The following NUP153 variants were observed in gnomAD, a reference collection of about 807,000 sequenced individuals.
The protein encoded by NUP153 is nucleoporin 153.
A neutral mutation model predicts 134.6 loss-of-function variants in NUP153; 27 were observed. That is an observed-to-expected ratio of 0.20 (90% confidence interval 0.15 to 0.28). The LOEUF (loss-of-function observed/expected upper bound fraction) is 0.28, where lower values mean the gene tolerates loss of function less well. NUP153 is among the 10% of genes least tolerant of loss of function. The probability of loss-of-function intolerance (pLI) is 1.00; values close to 1 mark genes in which losing one functional copy is unlikely to be tolerated. For synonymous variants in NUP153, 640 were observed against 623.5 expected (o/e 1.03, Z -0.40); for missense variants, 1,821 against 1,731.3 (o/e 1.05, Z -0.92).
chr6:17,663,296 C>G (rs1767320428), intron 9 of NUP153, among the ~76,000 whole-genome samples: 1 of 151,652 alleles, frequency 6.6e-6, no homozygotes, highest in South Asian at 2.1e-4. Context: ...GGGTCTTACT[C>G]TCTCACCCAA....
rs1221839138 is a variant in NUP153, at chr6:17,706,018, A to G, written c.111+259T>C. 6.6e-6 allele frequency among the ~76,000 whole-genome samples: 1 copy of G among 152,184 alleles called. No individual in the cohort carries two copies. Among genetic ancestry groups the G allele is most frequent in the Non-Finnish European group, 1.5e-5 (1 of 68,016 alleles). On this transcript the variant is annotated intron_variant, in intron 1 of 21. Coordinates refer to ENST00000262077, the MANE Select transcript of NUP153 (RefSeq NM_005124.4). The surrounding 1 kb of genome is among the most constrained non-coding windows in gnomAD (Gnocchi z 5.9). The stretch of plus-strand genomic sequence containing the variant: ...GCCTACAATTTCTTTTCCCGCCCAG[A>G]GCCTGCCTGGGAAAGCCCCTGACCC...
intron 13 of NUP153, 126 bp downstream of exon 13, chr6:17,647,680 CA>C: frequency 1.6e-6 from 1 of 643,198 alleles, no homozygotes; most frequent in Non-Finnish European, 2.7e-6. Context: ...GTTTTTTACA[CA>C]GAGTATTTTT....
intron 1 of NUP153, among the ~76,000 whole-genome samples, chr6:17,702,821 A>G (rs1475769779): frequency 6.6e-6 from 1 of 151,496 alleles, no homozygotes; most frequent in Non-Finnish European, 1.5e-5. Flanking sequence ...ACAATTCTTA[A>G]GAGTTATTAC....
At chr6:17,699,759 T>C (rs1769927991) in intron 1 of NUP153, among the ~76,000 whole-genome samples, 1 of 151,840 alleles carries the variant, frequency 6.6e-6, no homozygotes, top group South Asian at 2.1e-4. Context: ...CCCTTGAGCC[T>C]GGGAGGCAGA....
At position 17,669,336 on chromosome 6, in the gene NUP153, T is replaced by G; in HGVS notation, c.971A>C (p.Asp324Ala). The G allele has an allele frequency of 6.2e-7, 1 of 1,610,036 alleles. No individual in the cohort carries two copies. Among genetic ancestry groups the G allele is most frequent in the Non-Finnish European group, 8.5e-7 (1 of 1,176,414 alleles). Reference protein sequence around the residue: ...SLEKMSSPLADAKRIPSIVSS... With the variant: ...SLEKMSSPLAAAKRIPSIVSS... ...AACAATGGATGGAATTCTTTTTGCA[T>G]CCTGTTAAAGTTGAAAAAATAACAA... is the stretch of plus-strand genomic sequence containing the variant. Residue 324 changes from aspartate to alanine, a missense_variant and splice_region_variant, in exon 7 of 22, where the codon GAT becomes GCT. Coordinates refer to ENST00000262077, the MANE Select transcript of NUP153 (RefSeq NM_005124.4).
In NUP153 at chr6:17,624,702, A is replaced by G; in HGVS notation, c.4033T>C (p.Ser1345Pro). The change falls in exon 20 of 22, where the codon TCA becomes CCA. Residue 1345 changes from serine to proline, a missense_variant. Ser to Pro is a moderately conservative substitution (Grantham distance 74). Coordinates refer to ENST00000262077, the MANE Select transcript of NUP153 (RefSeq NM_005124.4). ...QPNPPGFGSI[S>P]SSTALFPTGS... Reference sequence around the variant, plus strand: ...GTGGGAAATAATGCTGTGGAAGATGATATAGATCCAAAGCCTGGGGGATTG... The same window carrying G: ...GTGGGAAATAATGCTGTGGAAGATGGTATAGATCCAAAGCCTGGGGGATTG... The G allele has an allele frequency of 6.2e-7, 1 of 1,614,176 alleles. No individual in the cohort carries two copies.
chr6:17,678,837 C>A (rs1231505437), intron 2 of NUP153, among the ~76,000 whole-genome samples: 1 of 151,234 alleles, frequency 6.6e-6, no homozygotes, highest in Non-Finnish European at 1.5e-5. Context: ...CCCAGCTACT[C>A]AAGGAGGCTG....
intron 14 of NUP153, among the ~76,000 whole-genome samples, chr6:17,644,305 C>T (rs2113793341): frequency 6.6e-6 from 1 of 152,208 alleles, no homozygotes; most frequent in Middle Eastern, 3.4e-3. Context: ...TCTAACATGC[C>T]ACTCCAACCC....
rs1764928613 is a variant in NUP153 at position 17,626,006 on chromosome 6, C to G, written c.3703G>C (p.Val1235Leu). The change falls in exon 19 of 22, where the codon GTG (valine) becomes CTG (leucine). Residue 1235 changes from valine (V) to leucine (L), a missense_variant. Physicochemically the swap from Val to Leu is conservative, Grantham distance 32 (BLOSUM62 1). Transcript: ENST00000262077. The stretch of plus-strand genomic sequence containing the variant: ...GTGTTACCAAAGGCAGAGCTGCTCA[C>G]AGGATTGCTGGACTGTCCAAACACA... Reference protein sequence around the residue: ...TFVFGQSSNPVSSSAFGNTAE... With the variant: ...TFVFGQSSNPLSSSAFGNTAE... 1 of 1,614,052 alleles carries G rather than the reference C, an allele frequency of 6.2e-7. No homozygotes were observed. Among genetic ancestry groups the G allele is most frequent in the African/African-American group, 1.3e-5 (1 of 74,910 alleles).
rs761618943 is a variant in NUP153, at chr6:17,628,904, C to A, written c.3295G>T (p.Val1099Phe). The change falls in exon 18 of 22, where the codon GTT (valine) becomes TTT (phenylalanine). Residue 1099 changes from valine to phenylalanine, a missense_variant. Coordinates refer to ENST00000262077, the MANE Select transcript of NUP153 (RefSeq NM_005124.4). This position sits in a 1 kb window ranked among gnomAD's most constrained non-coding sequence, Gnocchi z 5.4. ...TGTTTCTCTTCTGTCCTTCCCAAAA[C>A]AAACACTGAGGCAGATGGCAGAGAG... ...PASLPSASVF[V>F]LGRTEEKQQE... 9 of 1,614,196 alleles carry A rather than the reference C, an allele frequency of 5.6e-6. No homozygotes were observed. In the South Asian group the frequency reaches 9.9e-5, roughly 18 times the overall value.
In NUP153 at chr6:17,637,657, C is replaced by T; in HGVS notation, c.1960G>A (p.Glu654Lys). 6.2e-7 allele frequency: 1 copy of T among 1,613,746 alleles called. No individual in the cohort carries two copies. The highest frequency in any genetic ancestry group is 8.5e-7 in the Non-Finnish European group (1 of 1,180,024). ...CATGATGACCCAGCTTTTAAACTCT[C>T]CCCAAACCCAATTCCACTAGAAGAA... The part of the protein sequence containing the change: ...SFSSSGIGFG[E>K]SLKAGSSWQC... Residue 654 changes from glutamate to lysine, a missense_variant, in exon 16 of 22, where the codon GAG becomes AAG. Glu to Lys is a moderately conservative substitution (Grantham distance 56, BLOSUM62 1). Coordinates refer to ENST00000262077, the MANE Select transcript of NUP153 (RefSeq NM_005124.4).
At chr6:17,662,504 C>T (rs971402453) in intron 9 of NUP153, among the ~76,000 whole-genome samples, 2 of 152,128 alleles carry the variant, frequency 1.3e-5, no homozygotes, top group African/African-American at 2.4e-5. Context: ...GCAGGAAATG[C>T]ATGTGATGAG....
At chr6:17,619,398 G>A (rs990286013) in intron 20 of NUP153, 2 of 152,108 alleles carry the variant, frequency 1.3e-5, no homozygotes, top group African/African-American at 4.8e-5. Flanking sequence ...CCAGGAAACG[G>A]GTTCCTCTAC....
At chr6:17,700,120 G>C (rs765636879) in intron 1 of NUP153, among the ~76,000 whole-genome samples, 8 of 152,034 alleles carry the variant, frequency 5.3e-5, no homozygotes, top group Non-Finnish European at 1.2e-4. Flanking sequence ...GGAAAATTCA[G>C]AGACAATATG....
In NUP153 at chr6:17,628,714, T is replaced by A; in HGVS notation, c.3485A>T (p.Glu1162Val). ...AGTGGCTTTTGCTGGCTGTTCAGAT[T>A]CCTTCTCAGATGGTTTTGTCATACT... The part of the protein sequence containing the change: ...SFSMTKPSEK[E>V]SEQPAKATFA... The change falls in exon 18 of 22, where the codon GAA becomes GTA. Residue 1162 changes from glutamate (E) to valine (V), a missense_variant. By Grantham distance (121) the Glu-to-Val change is moderately radical (BLOSUM62 -2). Coordinates refer to ENST00000262077, the MANE Select transcript of NUP153 (RefSeq NM_005124.4). The surrounding 1 kb of genome is among the most constrained non-coding windows in gnomAD (Gnocchi z 5.4). The A allele has an allele frequency of 1.2e-6, 2 of 1,613,796 alleles. No individual in the cohort carries two copies. The highest frequency in any genetic ancestry group is 1.7e-6 in the Non-Finnish European group (2 of 1,179,868).
chr6:17,634,067 ATC>A (rs1765396994), intron 16 of NUP153, among the ~76,000 whole-genome samples: 1 of 151,872 alleles, frequency 6.6e-6, no homozygotes, highest in Non-Finnish European at 1.5e-5. Context: ...ATCTATTTCA[ATC>A]AATTTCTGAC....
chr6:17,629,292 G>C lies in NUP153; in HGVS notation c.2907C>G (p.Pro969=), dbSNP rs750695345. ...TCTTACTATCTTTTTTAACTTCTTC[G>C]GGCTTAGATTCAGATGAAACTCCAA... The part of the protein sequence containing the change: ...FKFGVSSESK[P]EEVKKDSKND... The change falls in exon 18 of 22, where the codon CCC becomes CCG. Residue 969 remains proline, a synonymous_variant. Coordinates refer to ENST00000262077, the MANE Select transcript of NUP153 (RefSeq NM_005124.4). The C allele has an allele frequency of 1.2e-6, 2 of 1,608,842 alleles. No homozygotes were observed. Among genetic ancestry groups the C allele is most frequent in the Admixed American group, 1.7e-5 (1 of 58,730 alleles).
At chr6:17,618,442 G>T (rs1764448754) in intron 20 of NUP153, among the ~76,000 whole-genome samples, 2 of 151,834 alleles carry the variant, frequency 1.3e-5, no homozygotes, top group Non-Finnish European at 2.9e-5. Context: ...TATCTTTAAT[G>T]AATACTTCAT....
chr6:17,677,059 G>A (rs1440197849), intron 2 of NUP153, among the ~76,000 whole-genome samples: 1 of 152,178 alleles, frequency 6.6e-6, no homozygotes, highest in Non-Finnish European at 1.5e-5. Context: ...TTCAGCTGAT[G>A]TACCAAAAGG....
Sources: allele counts gnomAD v4.1 joint callset (sites outside exome capture counted in the v4.1 genomes callset), GRCh38; gene constraint gnomAD v4.1.1; non-coding constraint Gnocchi (gnomAD v3.1); transcripts MANE v1.5; gene names NCBI Gene and HGNC (gene_info 2026-07-23, HGNC 2026-07-21).